The following DOCK2 variants were observed in gnomAD, a reference collection of about 807,000 sequenced individuals.
DOCK2 encodes dedicator of cytokinesis protein 2.
Under a neutral mutation model 248.9 loss-of-function variants are expected in DOCK2, and 87 were observed. The ratio of observed to expected loss-of-function variants is 0.35; its 90% CI spans 0.29 to 0.42. The LOEUF (loss-of-function observed/expected upper bound fraction) is 0.42. Among genes scored for constraint, DOCK2 ranks in the 10% least tolerant of loss-of-function variants. The pLI, the probability that DOCK2 is intolerant of heterozygous loss-of-function variation, is 1.00. For synonymous variants in DOCK2, 805 were observed against 821.6 expected, an observed-to-expected ratio of 0.98 and a Z score of 0.35; for missense variants, 1,747 against 2,300.2, an observed-to-expected ratio of 0.76 and a Z score of 4.92.
intron 20 of DOCK2, among the ~76,000 whole-genome samples, chr5:169,716,914 T>A (rs1471049550): frequency 2.0e-5 from 3 of 152,204 alleles, no homozygotes; most frequent in Admixed American, 2.0e-4. Flanking sequence ...TCATGGATAT[T>A]TGCATTTTTA....
chr5:169,762,746 A>C (rs1764562095), intron 25 of DOCK2, among the ~76,000 whole-genome samples: 3 of 152,166 alleles, frequency 2.0e-5, no homozygotes, highest in African/African-American at 7.2e-5. Flanking sequence ...TCCAATTTTC[A>C]ATTTCTCTAT....
At chr5:169,675,162 G>C (rs1287991156) in intron 6 of DOCK2, among the ~76,000 whole-genome samples, 1 of 152,214 alleles carries the variant, frequency 6.6e-6, no homozygotes, top group Non-Finnish European at 1.5e-5. Context: ...AACTTGTCCA[G>C]AGTCGCGCAG....
At chr5:169,780,525 G>A (rs931154194) in intron 25 of DOCK2, among the ~76,000 whole-genome samples, 15 of 152,140 alleles carry the variant, frequency 9.9e-5, no homozygotes, top group African/African-American at 3.6e-4. Context: ...CAAAAGCACT[G>A]AGAATCCATG....
intron 27 of DOCK2, among the ~76,000 whole-genome samples, chr5:169,892,327 GGTGT>G (rs755254264): frequency 7.9e-5 from 12 of 152,360 alleles, no homozygotes; most frequent in Non-Finnish European, 1.8e-4. Flanking sequence ...CAAACTTGCT[GGTGT>G]GTATCCCCTA....
chr5:169,783,769 A>G (rs1765836465), intron 25 of DOCK2, among the ~76,000 whole-genome samples: 1 of 152,232 alleles, frequency 6.6e-6, no homozygotes, highest in Admixed American at 6.5e-5. Flanking sequence ...AAAAACTTAC[A>G]AAGTAGGTTG....
chr5:169,848,137 A>T (rs934082345), intron 27 of DOCK2, among the ~76,000 whole-genome samples: 6 of 152,202 alleles, frequency 3.9e-5, no homozygotes, highest in Non-Finnish European at 8.8e-5. Context: ...TGTGACACAG[A>T]TTGTAATCTT....
chr5:169,932,626 T>A (rs1775808614), intron 27 of DOCK2, among the ~76,000 whole-genome samples: 3 of 152,194 alleles, frequency 2.0e-5, no homozygotes, highest in African/African-American at 7.2e-5. Context: ...TTTGTATGTT[T>A]GTTGTTTTAA....
At chr5:169,807,212 GCTAA>G (rs1258509033) in intron 26 of DOCK2, among the ~76,000 whole-genome samples, 1 of 152,164 alleles carries the variant, frequency 6.6e-6, no homozygotes, top group Non-Finnish European at 1.5e-5. Flanking sequence ...ACCAGGTGAT[GCTAA>G]CTGTCAGCCA....
chr5:169,737,435 G>T (rs1438050631), intron 22 of DOCK2, among the ~76,000 whole-genome samples: 1 of 152,104 alleles, frequency 6.6e-6, no homozygotes, highest in Non-Finnish European at 1.5e-5. Flanking sequence ...GTGTATACTT[G>T]GTCTTTGATC....
chr5:169,914,307 A>C (rs1431481497), intron 27 of DOCK2, among the ~76,000 whole-genome samples: 3 of 152,206 alleles, frequency 2.0e-5, no homozygotes, highest in African/African-American at 7.2e-5. Flanking sequence ...TTCATAACCC[A>C]TATAGATATT....
intron 34 of DOCK2, among the ~76,000 whole-genome samples, chr5:170,029,285 T>G (rs1756040116): frequency 6.6e-6 from 1 of 152,230 alleles, no homozygotes; most frequent in South Asian, 2.1e-4. Context: ...GGGTGTAAAA[T>G]GATATCTCAT....
chr5:169,820,520 G>C (rs1768363057), intron 26 of DOCK2, among the ~76,000 whole-genome samples: 1 of 152,192 alleles, frequency 6.6e-6, no homozygotes, highest in Non-Finnish European at 1.5e-5. Context: ...GTCTGGAGTG[G>C]ACCTCCAGCA....
At position 169,776,648 on chromosome 5, in the gene DOCK2, A is replaced by T. The variant is rs535957554; in HGVS notation, c.2554+15023A>T. 8.5e-5 allele frequency among the ~76,000 whole-genome samples: 13 copies of T among 152,338 alleles called. No homozygotes were observed. In the South Asian group the frequency reaches 2.7e-3, roughly 32 times the overall value. On this transcript the variant is annotated intron_variant, in intron 25 of 51. Coordinates refer to ENST00000520908, the MANE Select transcript of DOCK2 (RefSeq NM_004946.3). The stretch of plus-strand genomic sequence containing the variant: ...CCCTGACCAAATCTGACCTTGAATT[A>T]TAATAACCCCCACGTGTCAAGGGTG...
intron 27 of DOCK2, among the ~76,000 whole-genome samples, chr5:169,856,860 A>G (rs1292148758): frequency 2.0e-5 from 3 of 152,230 alleles, no homozygotes; most frequent in African/African-American, 7.2e-5. Context: ...GGAAACCAAG[A>G]TGAAGCACCA....
At chr5:169,805,244 GA>G (rs1447423636) in intron 26 of DOCK2, among the ~76,000 whole-genome samples, 1 of 148,932 alleles carries the variant, frequency 6.7e-6, no homozygotes, top group Non-Finnish European at 1.5e-5. Context: ...GGAAAGAAAA[GA>G]AAAGAAATTT....
intron 2 of DOCK2, 57 bp from the exon 3 acceptor site, chr5:169,669,231 C>T (rs1408834881): frequency 5.2e-6 from 8 of 1,533,594 alleles, no homozygotes; most frequent in Middle Eastern, 1.7e-4. Flanking sequence ...AACAGAAAAA[C>T]ACTAGCAACA....
intron 27 of DOCK2, among the ~76,000 whole-genome samples, chr5:169,900,090 AG>A (rs1211058564): frequency 1.3e-5 from 2 of 152,036 alleles, no homozygotes; most frequent in Non-Finnish European, 1.5e-5. Flanking sequence ...CCTTCTACTA[AG>A]CACCCACTAT....
chr5:170,059,819 G>A (rs1757268718), intron 44 of DOCK2, among the ~76,000 whole-genome samples: 1 of 152,182 alleles, frequency 6.6e-6, no homozygotes, highest in African/African-American at 2.4e-5. Flanking sequence ...GCGTTTTGAA[G>A]TTGGGAAAGA....
intron 2 of DOCK2, among the ~76,000 whole-genome samples, chr5:169,661,190 C>T (rs1399688858): frequency 3.3e-5 from 5 of 152,136 alleles, no homozygotes; most frequent in Admixed American, 2.0e-4. Context: ...CTATTATTCT[C>T]ATTTTATAGA....
Sources: allele counts gnomAD v4.1 joint callset (sites outside exome capture counted in the v4.1 genomes callset), GRCh38; gene constraint gnomAD v4.1.1; transcripts MANE v1.5; gene names NCBI Gene and HGNC (gene_info 2026-07-23, HGNC 2026-07-21).